RIMKLB: variants seen among roughly 807,000 people sequenced by gnomAD.
The protein encoded by RIMKLB is ribosomal modification protein rimK like family member B.
In RIMKLB, 7 loss-of-function variants were observed where a neutral mutation model predicts 32.0. The observed-to-expected ratio is 0.22, with a 90% CI of 0.12 to 0.41. The LOEUF is 0.41. RIMKLB is among the 10% of genes least tolerant of loss of function. The pLI is 1.00. For missense variants in RIMKLB, 289 were observed against 498.7 expected, an observed-to-expected ratio of 0.58 and a Z score of 4.00; for synonymous variants, 172 against 185.1, an observed-to-expected ratio of 0.93 and a Z score of 0.57.
intron 4 of RIMKLB, among the ~76,000 whole-genome samples, chr12:8,752,715 G>A (rs904857282): frequency 6.6e-6 from 1 of 151,496 alleles, no homozygotes; most frequent in Non-Finnish European, 1.5e-5. Context: ...GTTTAGGTAG[G>A]TTGTTGTTGT....
At chr12:8,738,176 G>A (rs766415908) in intron 2 of RIMKLB, among the ~76,000 whole-genome samples, 6 of 152,252 alleles carry the variant, frequency 3.9e-5, no homozygotes, top group Middle Eastern at 3.4e-3. Context: ...TGAGTAGCTG[G>A]AACTACAGGC....
At chr12:8,761,876 T>C (rs748601761) in intron 5 of RIMKLB, among the ~76,000 whole-genome samples, 26 of 152,126 alleles carry the variant, frequency 1.7e-4, no homozygotes, top group Non-Finnish European at 3.7e-4. Context: ...GTGCCTTCGA[T>C]GTCATTAACA....
chr12:8,715,077 T>G (rs748610624), intron 2 of RIMKLB, among the ~76,000 whole-genome samples: 1 of 152,288 alleles, frequency 6.6e-6, no homozygotes, highest in African/African-American at 2.4e-5. Flanking sequence ...ATAGGTTGAG[T>G]ATCACACTAA....
chr12:8,751,111 C>T (rs1948588262), intron 3 of RIMKLB, among the ~76,000 whole-genome samples: 1 of 152,032 alleles, frequency 6.6e-6, no homozygotes, highest in Non-Finnish European at 1.5e-5. Context: ...GTTGAGAATT[C>T]TGTGTTTTTA....
Position 8,773,391 on chromosome 12 carries a change from G to A in RIMKLB, c.768G>A (p.Leu256=). ...KQLAIQVSNI[L]GMDVCGIDLL... is the part of the protein sequence containing the mutation. ...TAGCTATCCAGGTGTCTAATATCCT[G>A]GGGATGGATGTGTGTGGCATTGATC... Residue 256 remains leucine (L), a synonymous_variant, in exon 6 of 6, where the codon CTG becomes CTA. Transcript: ENST00000535829. 6.2e-7 allele frequency: 1 copy of A among 1,614,154 alleles called. No individual in the cohort carries two copies.
At chr12:8,768,498 T>C (rs753524193) in intron 5 of RIMKLB, among the ~76,000 whole-genome samples, 16 of 152,344 alleles carry the variant, frequency 1.1e-4, no homozygotes, top group African/African-American at 3.6e-4. Context: ...TTTTATAAGA[T>C]TGGCCAATAT....
intron 1 of RIMKLB, 34 bp from the exon 2 acceptor site, chr12:8,713,777 T>G (rs771833905): frequency 7.9e-7 from 1 of 1,270,998 alleles, no homozygotes; most frequent in Non-Finnish European, 1.1e-6. Flanking sequence ...GATTTCTTGA[T>G]TTACCTTTTA....
chr12:8,743,437 G>A (rs1947769547), intron 2 of RIMKLB, among the ~76,000 whole-genome samples: 1 of 150,718 alleles, frequency 6.6e-6, no homozygotes, highest in Admixed American at 6.6e-5. Context: ...GTAAATATCA[G>A]TAAGGAAGGA....
chr12:8,777,051 C>T lies in RIMKLB; in HGVS notation c.*3267C>T, dbSNP rs1305235016. ...TTTGGCTGGTGAGACACGATCCCCT[C>T]CTAAGAAAATGTAGGTGCTCAGACA... On this transcript the variant is annotated 3_prime_UTR_variant, in exon 6 of 6. Transcript: ENST00000535829. 1.0e-6 allele frequency: 1 copy of T among 985,584 alleles called. No individual in the cohort carries two copies. The highest frequency in any genetic ancestry group is 1.7e-5 in the African/African-American group (1 of 57,148). 61.1% of individuals were successfully genotyped at this position (985,584 alleles called of 1,614,324 possible). A position where few individuals can be genotyped will look rare whatever the true frequency, so the allele number is the denominator to read the frequency against.
rs1394689486 is a variant in RIMKLB at position 8,718,657 on chromosome 12, A to ATGTGTGTG, written c.175+4617_175+4618insGTGTGTGT. 2.3e-3 allele frequency among the ~76,000 whole-genome samples: 312 copies of ATGTGTGTG among 133,566 alleles called. 2 individuals carry two copies. Among genetic ancestry groups the ATGTGTGTG allele is most frequent in the African/African-American group, 8.6e-3 (273 of 31,912 alleles). 87.6% of individuals were successfully genotyped at this position (133,566 alleles called of 152,430 possible). ...ACTCCGTCTCTCTCTCTCTCTCTAT[A>ATGTGTGTG]TATATATATATATGTGTGTGTGTGT... On this transcript the variant is annotated intron_variant, in intron 2 of 5. Transcript: ENST00000535829.
At chr12:8,767,628 G>C (rs12319898) in intron 5 of RIMKLB, among the ~76,000 whole-genome samples, 4,994 of 152,248 alleles carry the variant, frequency 0.033, 277 homozygotes, top group African/African-American at 0.11. Context: ...AGAGACTTCT[G>C]TCTGCGCCAT....
intron 2 of RIMKLB, among the ~76,000 whole-genome samples, chr12:8,743,323 C>T (rs756251933): frequency 7.2e-6 from 1 of 138,772 alleles, no homozygotes; most frequent in East Asian, 2.0e-4. Flanking sequence ...CACTGCACTC[C>T]AGCCTGGGTG....
intron 1 of RIMKLB, among the ~76,000 whole-genome samples, chr12:8,688,616 T>C (rs900583693): frequency 6.6e-6 from 1 of 152,184 alleles, no homozygotes. Flanking sequence ...AAATAATGTA[T>C]ATTACAGGTA....
At chr12:8,694,156 C>T (rs1565542074), upstream of RIMKLB, among the ~76,000 whole-genome samples, 1 of 152,088 alleles carries the variant, frequency 6.6e-6, no homozygotes, top group South Asian at 2.1e-4. Context: ...TCACTTGAAC[C>T]TGGGAGGTGG....
At chr12:8,709,942 G>C (rs1287172158) in intron 1 of RIMKLB, among the ~76,000 whole-genome samples, 1 of 152,106 alleles carries the variant, frequency 6.6e-6, no homozygotes, top group Non-Finnish European at 1.5e-5. Flanking sequence ...GATATGGAGG[G>C]ACTACTGTAC....
At chr12:8,780,242 AG>A (rs1950953408), downstream of RIMKLB, 1 of 152,202 alleles carries the variant, frequency 6.6e-6, no homozygotes, top group South Asian at 2.1e-4. Context: ...TAAATTTTTA[AG>A]TTATGGTATT....
chr12:8,760,641 T>G (rs143858557), intron 5 of RIMKLB, among the ~76,000 whole-genome samples: 2,888 of 150,556 alleles, frequency 0.019, 59 homozygotes, highest in Non-Finnish European at 0.026. Context: ...CCATTGTAAC[T>G]GGTGTGAGAT....
Position 8,754,337 on chromosome 12 carries a change from C to G in RIMKLB, c.697+244C>G, listed in dbSNP as rs147738918. On this transcript the variant is annotated intron_variant, in intron 5 of 5. Coordinates refer to ENST00000535829, the MANE Select transcript of RIMKLB (RefSeq NM_001297776.2). ...CCTTCACCCGTTCTCAATTTGTAACCCAATTTACACATGTATTGGTTATCT... is the reference window on the plus strand; with the variant it reads ...CCTTCACCCGTTCTCAATTTGTAACGCAATTTACACATGTATTGGTTATCT... Among the ~76,000 whole-genome samples, 637 of 152,138 alleles carry G rather than the reference C, an allele frequency of 4.2e-3. 12 individuals carry two copies. Among genetic ancestry groups the G allele is most frequent in the Admixed American group, 0.027 (413 of 15,256 alleles).
At chr12:8,698,710 C>CT in intron 1 of RIMKLB, among the ~76,000 whole-genome samples, 1 of 145,834 alleles carries the variant, frequency 6.9e-6, no homozygotes, top group Non-Finnish European at 1.5e-5. Flanking sequence ...CTCCCCCTCC[C>CT]CCCCCTTCCC....
Sources: gnomAD v4.1 joint callset for allele counts (sites outside exome capture counted in the v4.1 genomes callset) on GRCh38, gnomAD v4.1.1 for gene constraint, MANE v1.5 for transcripts, NCBI Gene and HGNC (gene_info 2026-07-23, HGNC 2026-07-21) for gene names.